The following EFCAB6 variants were observed in gnomAD, a reference collection of about 807,000 sequenced individuals.
The protein encoded by EFCAB6 is EF-hand calcium-binding domain-containing protein 6.
EFCAB6 carries 156 observed loss-of-function variants against 169.8 expected under a neutral mutation model. The observed-to-expected ratio is 0.92, with a 90% CI of 0.81 to 1.05. The LOEUF (loss-of-function observed/expected upper bound fraction) is 1.05. Among genes scored for constraint, EFCAB6 ranks in the 50% least tolerant of loss-of-function variants. The pLI is 0.00. For synonymous variants in EFCAB6, 698 were observed against 676.4 expected, an observed-to-expected ratio of 1.03 and a Z score of -0.50; for missense variants, 1,800 against 1,829.1, an observed-to-expected ratio of 0.98 and a Z score of 0.29.
intron 22 of EFCAB6, among the ~76,000 whole-genome samples, chr22:43,603,386 G>C (rs1442557918): frequency 6.6e-6 from 1 of 152,162 alleles, no homozygotes; most frequent in Admixed American, 6.5e-5. Flanking sequence ...ATTTTCAAAT[G>C]GTTCAGCAAT....
chr22:43,789,078 TA>T (rs1569490383), intron 2 of EFCAB6, among the ~76,000 whole-genome samples: 3 of 151,438 alleles, frequency 2.0e-5, no homozygotes, highest in East Asian at 2.0e-4. Flanking sequence ...AAGCAGGGGC[TA>T]AAAAAAAGAA....
intron 25 of EFCAB6, among the ~76,000 whole-genome samples, chr22:43,577,665 G>A (rs2050346618): frequency 6.6e-6 from 1 of 152,160 alleles, no homozygotes; most frequent in African/African-American, 2.4e-5. Context: ...GATCTCAAAT[G>A]TTAAGGAGAA....
rs2060901109 is a variant in EFCAB6 at position 43,754,920 on chromosome 22, G to A, written c.507+846C>T. On this transcript the variant is annotated intron_variant, in intron 6 of 31. Transcript: ENST00000262726. Reference sequence around the variant, plus strand: ...CAGCAGACAATTATACCTGGGTTCTGAATAATATCAACTATAGTGAAACAG... The same window carrying A: ...CAGCAGACAATTATACCTGGGTTCTAAATAATATCAACTATAGTGAAACAG... 2.0e-5 allele frequency among the ~76,000 whole-genome samples: 3 copies of A among 152,280 alleles called. No individual in the cohort carries two copies. In the East Asian group the frequency reaches 5.8e-4, roughly 29 times the overall value.
At chr22:43,586,140 A>T (rs1220448471) in intron 24 of EFCAB6, among the ~76,000 whole-genome samples, 1 of 152,084 alleles carries the variant, frequency 6.6e-6, no homozygotes, top group African/African-American at 2.4e-5. Context: ...TGATCAATGG[A>T]GTAATAATAA....
intron 2 of EFCAB6, among the ~76,000 whole-genome samples, chr22:43,796,553 T>C (rs2062515620): frequency 6.6e-6 from 1 of 152,128 alleles, no homozygotes; most frequent in Non-Finnish European, 1.5e-5. Context: ...CCTGATGTGA[T>C]GACAGACACA....
intron 2 of EFCAB6, among the ~76,000 whole-genome samples, chr22:43,803,833 A>T (rs149013293): frequency 6.6e-6 from 1 of 152,214 alleles, no homozygotes; most frequent in South Asian, 2.1e-4. Flanking sequence ...GGGCTAACTG[A>T]TATTTACAGA....
intron 24 of EFCAB6, among the ~76,000 whole-genome samples, chr22:43,584,698 C>A (rs556569584): frequency 1.3e-5 from 2 of 152,226 alleles, no homozygotes; most frequent in Admixed American, 6.5e-5. Flanking sequence ...GGAAAAAAAA[C>A]CCAATAAACA....
chr22:43,731,724 G>C lies in EFCAB6; in HGVS notation c.732C>G (p.Asn244Lys). ...LKNLSINNDL[N>K]LRYCMGNQEV... ...CTTGATTTCCCATACAATATCTAAG[G>C]TTCAAGTCGTTATTTATGCTGAGAT... is the stretch of plus-strand genomic sequence containing the variant. The change falls in exon 8 of 32, where the codon AAC becomes AAG. Residue 244 changes from asparagine (N) to lysine (K), a missense_variant. Transcript: ENST00000262726. 4 of 1,597,038 alleles carry C rather than the reference G, an allele frequency of 2.5e-6. No individual in the cohort carries two copies. The East Asian group carries it at 9.1e-5, about 36-fold the overall frequency.
At chr22:43,563,544 G>A (rs1395738540) in intron 26 of EFCAB6, among the ~76,000 whole-genome samples, 1 of 152,176 alleles carries the variant, frequency 6.6e-6, no homozygotes, top group Admixed American at 6.5e-5. Flanking sequence ...CAGCCTTGAC[G>A]ACAGAGCAAG....
intron 17 of EFCAB6, among the ~76,000 whole-genome samples, chr22:43,657,217 C>T (rs2056792556): frequency 6.6e-6 from 1 of 152,106 alleles, no homozygotes; most frequent in South Asian, 2.1e-4. Flanking sequence ...ATTGCTTCAG[C>T]CCCGGAGGTG....
chr22:43,675,267 A>G (rs1359740444), intron 13 of EFCAB6, among the ~76,000 whole-genome samples: 3 of 136,904 alleles, frequency 2.2e-5, no homozygotes, highest in Non-Finnish European at 4.7e-5. Flanking sequence ...TATATAATAT[A>G]TTATGCTATA....
chr22:43,600,114 T>C lies in EFCAB6; in HGVS notation c.2831A>G (p.Glu944Gly). Residue 944 changes from glutamate (E) to glycine (G), a missense_variant, in exon 23 of 32, where the codon GAG becomes GGG. Coordinates refer to ENST00000262726, the MANE Select transcript of EFCAB6 (RefSeq NM_022785.4). The stretch of plus-strand genomic sequence containing the variant: ...TGTGCTCTGCTGCAGCTCCTTCATC[T>C]CTTCCTGTAGCTGCTGTGGCTTTGT... ...HFTKPQQLQEEMKELQQSTEK... is the reference protein window; with the variant it reads ...HFTKPQQLQEGMKELQQSTEK... 1 of 1,614,194 alleles carries C rather than the reference T, an allele frequency of 6.2e-7. No homozygotes were observed. The highest frequency in any genetic ancestry group is 1.3e-5 in the African/African-American group (1 of 75,040).
intron 2 of EFCAB6, among the ~76,000 whole-genome samples, chr22:43,807,633 A>C (rs546315089): frequency 6.6e-6 from 1 of 152,376 alleles, no homozygotes; most frequent in South Asian, 2.1e-4. Flanking sequence ...GCACAGCCAA[A>C]TAGAAATGGC....
chr22:43,632,257 T>A lies in EFCAB6; in HGVS notation c.2099-19A>T. 6.2e-7 allele frequency: 1 copy of A among 1,603,652 alleles called. No homozygotes were observed. Among genetic ancestry groups the A allele is most frequent in the Non-Finnish European group, 8.5e-7 (1 of 1,175,254 alleles). The stretch of plus-strand genomic sequence containing the variant: ...GGAGGATCTGGAACAATTACAAAGA[T>A]CGGGGTTTCCATTAGTGCCCATCAG... On this transcript the variant is annotated intron_variant, in intron 18 of 31. Coordinates refer to ENST00000262726, the MANE Select transcript of EFCAB6 (RefSeq NM_022785.4).
rs141268202 is a variant in EFCAB6, at chr22:43,735,952, G to C, written c.549C>G (p.Leu183=). Reference sequence around the variant, plus strand: ...CCAGTCCAGTCTTGTTAACATCAATGAGCTCAAAGGCTTTCATAACAGTCT... The same window carrying C: ...CCAGTCCAGTCTTGTTAACATCAATCAGCTCAAAGGCTTTCATAACAGTCT... ...NIKTVMKAFE[L]IDVNKTGLVR... The change falls in exon 7 of 32, where the codon CTC becomes CTG. Residue 183 remains leucine (L), a synonymous_variant. Transcript: ENST00000262726. The C allele has an allele frequency of 6.2e-7, 1 of 1,613,850 alleles. No individual in the cohort carries two copies. The highest frequency in any genetic ancestry group is 8.5e-7 in the Non-Finnish European group (1 of 1,180,006).
chr22:43,646,031 G>A (rs1019134353), intron 17 of EFCAB6, among the ~76,000 whole-genome samples: 8 of 152,120 alleles, frequency 5.3e-5, no homozygotes, highest in Non-Finnish European at 7.4e-5. Flanking sequence ...CGTGTTCTGC[G>A]GGCAGTGAAT....
rs1603371843 is a variant in EFCAB6, at chr22:43,785,282, T to C, written c.-7-2957A>G. On this transcript the variant is annotated intron_variant, in intron 2 of 31. Coordinates refer to ENST00000262726, the MANE Select transcript of EFCAB6 (RefSeq NM_022785.4). ...CCAGTATAAACCATATCTTGGACCATAAAACAAGCCTCAATACATTTAAAA... is the reference window on the plus strand; with the variant it reads ...CCAGTATAAACCATATCTTGGACCACAAAACAAGCCTCAATACATTTAAAA... 2.0e-5 allele frequency among the ~76,000 whole-genome samples: 3 copies of C among 152,194 alleles called. No homozygotes were observed. In the South Asian group the frequency reaches 6.2e-4, roughly 31 times the overall value.
intron 6 of EFCAB6, among the ~76,000 whole-genome samples, chr22:43,746,589 G>T (rs970616739): frequency 6.6e-5 from 10 of 152,138 alleles, no homozygotes; most frequent in African/African-American, 1.4e-4. Flanking sequence ...GCTATGAAAA[G>T]GTGCCCCGTC....
chr22:43,734,837 C>CT (rs1371427315), intron 7 of EFCAB6, among the ~76,000 whole-genome samples: 2 of 152,176 alleles, frequency 1.3e-5, no homozygotes, highest in African/African-American at 4.8e-5. Flanking sequence ...CACATGCCCT[C>CT]TAGACTTCCT....
Sources: allele counts gnomAD v4.1 joint callset (sites outside exome capture counted in the v4.1 genomes callset), GRCh38; gene constraint gnomAD v4.1.1; transcripts MANE v1.5; gene names NCBI Gene and HGNC (gene_info 2026-07-23, HGNC 2026-07-21).